The following BOLL variants were observed in gnomAD, a reference collection of about 807,000 sequenced individuals.
BOLL encodes boule RNA binding protein.
BOLL carries 23 observed loss-of-function variants against 44.4 expected under a neutral mutation model. That is an observed-to-expected ratio of 0.52 (90% CI 0.37 to 0.73). BOLL has a LOEUF of 0.73. BOLL is among the 30% of genes least tolerant of loss of function. The pLI, the probability that BOLL is intolerant of heterozygous loss-of-function variation, is 0.00. For missense variants in BOLL, 287 were observed against 338.3 expected (o/e 0.85, Z 1.19); for synonymous variants, 97 against 110.8 (o/e 0.88, Z 0.78).
chr2:197,732,139 G>T (rs1446223931), intron 10 of BOLL, among the ~76,000 whole-genome samples: 9 of 150,000 alleles, frequency 6.0e-5, no homozygotes, highest in Admixed American at 2.7e-4. Context: ...TCACCACCGA[G>T]CCCACAGAAA....
intron 6 of BOLL, 72 bp downstream of exon 6, chr2:197,771,783 T>C: frequency 7.1e-7 from 1 of 1,399,722 alleles, no homozygotes; most frequent in Non-Finnish European, 9.6e-7. Flanking sequence ...GTTAAGATAT[T>C]TCAGAAATAT....
intron 6 of BOLL, among the ~76,000 whole-genome samples, chr2:197,770,484 A>G (rs907015514): frequency 3.3e-5 from 5 of 152,224 alleles, no homozygotes; most frequent in Admixed American, 3.3e-4. Context: ...CACAAATCCA[A>G]AATTGACAAA....
chr2:197,755,290 T>C (rs575788272), intron 9 of BOLL, among the ~76,000 whole-genome samples: 6 of 152,324 alleles, frequency 3.9e-5, no homozygotes, highest in African/African-American at 1.4e-4. Flanking sequence ...TTTTACACTG[T>C]TGGTGGAAAT....
At chr2:197,730,789 G>A (rs1471172606) in intron 10 of BOLL, among the ~76,000 whole-genome samples, 2 of 152,088 alleles carry the variant, frequency 1.3e-5, no homozygotes, top group Non-Finnish European at 2.9e-5. Flanking sequence ...CACCAGGCCT[G>A]CCTTACAAGA....
At chr2:197,736,108 G>C (rs1687472097) in intron 10 of BOLL, among the ~76,000 whole-genome samples, 1 of 152,072 alleles carries the variant, frequency 6.6e-6, no homozygotes, top group Non-Finnish European at 1.5e-5. Context: ...TAAGCTTAAA[G>C]TGATCAAATT....
At position 197,733,740 on chromosome 2, in the gene BOLL, G is replaced by A. The variant is rs575909394; in HGVS notation, c.829-5162C>T. Among the ~76,000 whole-genome samples the A allele has an allele frequency of 2.3e-3, 354 of 152,228 alleles. 1 individual carries two copies. The highest frequency in any genetic ancestry group is 8.0e-3 in the African/African-American group (332 of 41,546). On this transcript the variant is annotated intron_variant, in intron 10 of 10. Transcript: ENST00000392296. ...GATTCCCTATTTAATAAATGGTGCT[G>A]GGAAAACTGGCTAGCCATATGTAGA...
intron 6 of BOLL, among the ~76,000 whole-genome samples, chr2:197,769,154 A>G (rs1043243529): frequency 7.2e-5 from 11 of 152,030 alleles, no homozygotes; most frequent in Non-Finnish European, 1.6e-4. Context: ...AGGCTTTGGT[A>G]TCAGGATGAT....
At chr2:197,754,910 A>T (rs1688440024) in intron 9 of BOLL, among the ~76,000 whole-genome samples, 1 of 152,214 alleles carries the variant, frequency 6.6e-6, no homozygotes, top group Non-Finnish European at 1.5e-5. Flanking sequence ...GATTTAATTA[A>T]CTAAAGAGCT....
At chr2:197,742,956 G>A (rs1687823991) in intron 10 of BOLL, 105 bp downstream of exon 10, 3 of 703,524 alleles carry the variant, frequency 4.3e-6, no homozygotes, top group South Asian at 2.9e-5. Flanking sequence ...CTGATCACAA[G>A]TGTGATGTAA....
chr2:197,760,385 G>A (rs1688699560), intron 7 of BOLL, among the ~76,000 whole-genome samples: 1 of 152,150 alleles, frequency 6.6e-6, no homozygotes, highest in African/African-American at 2.4e-5. Context: ...AGTCCCATGG[G>A]CTGTCCCCAG....
At chr2:197,761,319 A>C (rs1445915705) in intron 7 of BOLL, among the ~76,000 whole-genome samples, 1 of 152,118 alleles carries the variant, frequency 6.6e-6, no homozygotes, top group Non-Finnish European at 1.5e-5. Context: ...ACAAGCAAAA[A>C]CTGAGAGAAT....
chr2:197,763,449 A>C (rs1469365370), intron 7 of BOLL, among the ~76,000 whole-genome samples: 1 of 147,456 alleles, frequency 6.8e-6, no homozygotes, highest in African/African-American at 2.5e-5. Context: ...ACCACTGCAC[A>C]CTCCAGCCTG....
chr2:197,743,355 G>A (rs1687846829), intron 9 of BOLL, among the ~76,000 whole-genome samples, 196 bp from the exon 10 acceptor site: 1 of 152,194 alleles, frequency 6.6e-6, no homozygotes, highest in Non-Finnish European at 1.5e-5. Flanking sequence ...GTAATCTGAT[G>A]AGGGAAATAG....
chr2:197,781,317 A>G (rs971198553), intron 2 of BOLL, among the ~76,000 whole-genome samples: 9 of 152,196 alleles, frequency 5.9e-5, no homozygotes. Flanking sequence ...AAGAAATAGT[A>G]TTTCATAAAA....
At chr2:197,782,830 T>G (rs1445963391) in intron 1 of BOLL, among the ~76,000 whole-genome samples, 1 of 152,190 alleles carries the variant, frequency 6.6e-6, no homozygotes, top group Non-Finnish European at 1.5e-5. Flanking sequence ...TTGGACTGAT[T>G]TTGTTAAAAA....
chr2:197,743,651 T>C (rs77525041), intron 9 of BOLL, among the ~76,000 whole-genome samples: 1,567 of 152,300 alleles, frequency 0.01, 27 homozygotes, highest in African/African-American at 0.036. Flanking sequence ...AGAAATACAA[T>C]GTGAGCTACA....
Position 197,775,691 on chromosome 2 carries a change from A to G in BOLL, c.326T>C (p.Ile109Thr). Residue 109 changes from isoleucine (I) to threonine (T), a missense_variant, in exon 5 of 11, where the codon ATA becomes ACA. By Grantham distance (89) the Ile-to-Thr change is moderately conservative. Transcript: ENST00000392296. ...KDKKLNIGPA[I>T]RKQQVGIPRS... ...AGGGATCCCTACTTGTTGTTTTCTT[A>G]TTGCTGGACCAATGTTCAGCTTCTT... 6.4e-7 allele frequency: 1 copy of G among 1,566,304 alleles called. No homozygotes were observed. The highest frequency in any genetic ancestry group is 8.7e-7 in the Non-Finnish European group (1 of 1,154,956).
At chr2:197,732,039 T>A in intron 10 of BOLL, among the ~76,000 whole-genome samples, 1 of 144,002 alleles carries the variant, frequency 6.9e-6, no homozygotes, top group Non-Finnish European at 1.5e-5. Flanking sequence ...TTTGAAAGGA[T>A]CAACAAAATT....
intron 10 of BOLL, among the ~76,000 whole-genome samples, chr2:197,742,446 A>C (rs1374663300): frequency 6.6e-6 from 1 of 152,248 alleles, no homozygotes; most frequent in Non-Finnish European, 1.5e-5. Context: ...TGGATTAAGA[A>C]AATGTGGCAG....
Sources: allele counts gnomAD v4.1 joint callset (sites outside exome capture counted in the v4.1 genomes callset), GRCh38; gene constraint gnomAD v4.1.1; transcripts MANE v1.5; gene names NCBI Gene and HGNC (gene_info 2026-07-23, HGNC 2026-07-21).